CPNE2: variants seen among roughly 807,000 people sequenced by gnomAD.
CPNE2 encodes the protein copine 2.
A neutral mutation model predicts 69.7 loss-of-function variants in CPNE2; 42 were observed. That is an observed-to-expected ratio of 0.60 (90% CI 0.47 to 0.78). The LOEUF (loss-of-function observed/expected upper bound fraction) is 0.78, where lower values mean the gene tolerates loss of function less well. Ranked by LOEUF, CPNE2 falls within the 30% of genes least tolerant of loss-of-function variation. The pLI, the probability that CPNE2 is intolerant of heterozygous loss-of-function variation, is 0.00. For synonymous variants in CPNE2, 294 were observed against 289.8 expected, an observed-to-expected ratio of 1.01 and a Z score of -0.15; for missense variants, 587 against 732.0, an observed-to-expected ratio of 0.80 and a Z score of 2.29.
intron 1 of CPNE2, among the ~76,000 whole-genome samples, chr16:57,105,497 A>G (rs1450567363): frequency 6.6e-6 from 1 of 151,062 alleles, no homozygotes; most frequent in African/African-American, 2.4e-5. Flanking sequence ...GTGCAGTGGC[A>G]CAATCACAGC....
intron 3 of CPNE2, among the ~76,000 whole-genome samples, chr16:57,115,103 A>G (rs982266509): frequency 5.9e-5 from 9 of 151,706 alleles, no homozygotes; most frequent in Non-Finnish European, 1.2e-4. Flanking sequence ...TCTGAGCTTG[A>G]CTCTGTCCAT....
chr16:57,127,557 G>T (rs2069809153), intron 11 of CPNE2, among the ~76,000 whole-genome samples: 2 of 152,162 alleles, frequency 1.3e-5, no homozygotes. Context: ...TTAGTGGCTG[G>T]CTGAAGTCTC....
chr16:57,123,384 G>T, intron 9 of CPNE2, 30 bp from the exon 10 acceptor site: 1 of 1,610,500 alleles, frequency 6.2e-7, no homozygotes. Flanking sequence ...CAAGTCAAGG[G>T]GACCCACTGA....
At chr16:57,144,676 G>C (rs781515351) in intron 14 of CPNE2, 5 of 152,274 alleles carry the variant, frequency 3.3e-5, no homozygotes, top group African/African-American at 1.2e-4. Flanking sequence ...GGCTGGGCGC[G>C]GTGGCTCACG....
chr16:57,117,150 G>A (rs1476641697), intron 4 of CPNE2, among the ~76,000 whole-genome samples: 2 of 152,090 alleles, frequency 1.3e-5, no homozygotes, highest in African/African-American at 4.8e-5. Context: ...CGCAGGGGCA[G>A]GAGAAGGCCG....
Position 57,121,846 on chromosome 16 carries a change from C to T in CPNE2, c.867+86C>T, listed in dbSNP as rs966842900. 5.8e-5 allele frequency: 76 copies of T among 1,304,730 alleles called. 1 individual carries two copies. The East Asian group carries it at 1.4e-3, about 24-fold the overall frequency. 80.8% of individuals were successfully genotyped at this position (1,304,730 alleles called of 1,614,324 possible). ...GACAGAGCACTGGATCTGGAGCCAG[C>T]GAGGCCTGTGTTCAAATCCCGGCTC... On this transcript the variant is annotated intron_variant, in intron 9 of 15. Transcript: ENST00000290776.
Position 57,147,574 on chromosome 16 carries a change from A to C in CPNE2, c.1563A>C (p.Lys521Asn). Residue 521 changes from lysine to asparagine, a missense_variant, in exon 16 of 16, where the codon AAA becomes AAC. Physicochemically the swap from Lys to Asn is moderately conservative, Grantham distance 94. Around this residue, in one of 5 missense-constraint regions of CPNE2, gnomAD observed 185 missense variants for 252.3 expected, o/e 0.73. Transcript: ENST00000290776. ...AGGCAGCAAAAGAGACCTTGGCCAA[A>C]GCTGTGCTGGCGGAGCTGCCCCAAC... ...FRNAAKETLA[K>N]AVLAELPQQV... is the part of the protein sequence containing the mutation. 4.4e-6 allele frequency: 7 copies of C among 1,606,874 alleles called. No individual in the cohort carries two copies. Among genetic ancestry groups the C allele is most frequent in the Non-Finnish European group, 6.0e-6 (7 of 1,175,010 alleles).
At chr16:57,145,628 C>G (rs993170808) in intron 14 of CPNE2, 1 of 210,558 alleles carries the variant, frequency 4.7e-6, no homozygotes, top group Non-Finnish European at 9.8e-6. Flanking sequence ...ATGAGTCCCC[C>G]TGCGCCAGCC....
chr16:57,147,457 C>A, intron 15 of CPNE2, 94 bp from the exon 16 acceptor site: 1 of 867,896 alleles, frequency 1.2e-6, no homozygotes, highest in Non-Finnish European at 1.7e-6. Flanking sequence ...TGGACACCTG[C>A]TGTAGCAGCC....
chr16:57,109,049 G>T (rs1313430361), intron 1 of CPNE2, among the ~76,000 whole-genome samples: 2 of 152,206 alleles, frequency 1.3e-5, no homozygotes, highest in Non-Finnish European at 2.9e-5. Flanking sequence ...GATAGACAAT[G>T]AACAAGGGTG....
rs115574097 is a variant in CPNE2, at chr16:57,114,280, G to T, written c.360+813G>T. Among the ~76,000 whole-genome samples, 1,080 of 152,298 alleles carry T rather than the reference G, an allele frequency of 7.1e-3. 12 individuals are homozygous for T. Among genetic ancestry groups the T allele is most frequent in the African/African-American group, 0.024 (1,011 of 41,556 alleles). On this transcript the variant is annotated intron_variant, in intron 3 of 15. Coordinates refer to ENST00000290776, the MANE Select transcript of CPNE2 (RefSeq NM_152727.6). ...CAAGGGATGGGGAAACCAGTCCAGG[G>T]CTTGGCCCCAGAGGAAAGCTGACCA...
At chr16:57,113,765 C>T (rs1015340429) in intron 3 of CPNE2, among the ~76,000 whole-genome samples, 8 of 152,206 alleles carry the variant, frequency 5.3e-5, no homozygotes, top group African/African-American at 1.9e-4. Flanking sequence ...GACCAGCAAC[C>T]AAGACACCCA....
chr16:57,115,362 GC>G, intron 3 of CPNE2, 113 bp from the exon 4 acceptor site: 1 of 799,760 alleles, frequency 1.3e-6, no homozygotes, highest in Non-Finnish European at 2.1e-6. Flanking sequence ...TCACCAGCCA[GC>G]CAGGGCGGGG....
At chr16:57,133,116 G>A (rs1369258590) in intron 12 of CPNE2, among the ~76,000 whole-genome samples, 1 of 152,036 alleles carries the variant, frequency 6.6e-6, no homozygotes, top group Non-Finnish European at 1.5e-5. Context: ...CTCCATACAA[G>A]CCCCCCTCGT....
At position 57,148,362 on chromosome 16, in the gene CPNE2, A is replaced by G. The variant is rs1383733727; in HGVS notation, c.*704A>G. 1 of 152,258 alleles carries G rather than the reference A, an allele frequency of 6.6e-6. No individual in the cohort carries two copies. Among genetic ancestry groups the G allele is most frequent in the Non-Finnish European group, 1.5e-5 (1 of 68,038 alleles). 9.4% of individuals were successfully genotyped at this position (152,258 alleles called of 1,614,324 possible). A position where few individuals can be genotyped will look rare whatever the true frequency, so the allele number is the denominator to read the frequency against. On this transcript the variant is annotated 3_prime_UTR_variant, in exon 16 of 16. Coordinates refer to ENST00000290776, the MANE Select transcript of CPNE2 (RefSeq NM_152727.6). ...ACTCAATAAATATTCATGGATGAAT[A>G]GAATGAATGTGCAGGCCCATACCAG...
Position 57,119,584 on chromosome 16 carries a change from T to C in CPNE2, c.615T>C (p.Pro205=). The C allele has an allele frequency of 6.2e-7, 1 of 1,612,998 alleles. No individual in the cohort carries two copies. Among genetic ancestry groups the C allele is most frequent in the Non-Finnish European group, 8.5e-7 (1 of 1,179,544 alleles). The part of the protein sequence containing the change: ...RTEVIKYTLD[P]VWKPFTVPLV... ...AGGTGATCAAGTACACACTGGACCC[T>C]GTGTGGAAGCCATTCACAGTGCCCT... The change falls in exon 7 of 16, where the codon CCT becomes CCC. Residue 205 remains proline, a synonymous_variant. Coordinates refer to ENST00000290776, the MANE Select transcript of CPNE2 (RefSeq NM_152727.6).
chr16:57,130,204 C>T lies in CPNE2; in HGVS notation c.1116+2301C>T, dbSNP rs2069827759. On this transcript the variant is annotated intron_variant, in intron 12 of 15. Transcript: ENST00000290776. This position sits in a 1 kb window ranked among gnomAD's most constrained non-coding sequence, Gnocchi z 4.1. ...GACCAGCCTGGCCAACATGGTGAAA[C>T]CCCGTCTCTACTAAAAATACAAAAA... 1.3e-5 allele frequency among the ~76,000 whole-genome samples: 2 copies of T among 151,916 alleles called. No homozygotes were observed. The highest frequency in any genetic ancestry group is 6.6e-5 in the Admixed American group (1 of 15,248).
intron 12 of CPNE2, among the ~76,000 whole-genome samples, chr16:57,133,155 A>C (rs2069850646): frequency 6.6e-6 from 1 of 152,084 alleles, no homozygotes; most frequent in Non-Finnish European, 1.5e-5. Context: ...GGAAGTCTCC[A>C]TGGCAACAGG....
intron 1 of CPNE2, among the ~76,000 whole-genome samples, chr16:57,097,726 A>G (rs528075483): frequency 6.6e-6 from 1 of 152,050 alleles, no homozygotes; most frequent in South Asian, 2.1e-4. Flanking sequence ...CCACCTCCCC[A>G]GCCCCCAGTC....
Sources: allele counts gnomAD v4.1 joint callset (sites outside exome capture counted in the v4.1 genomes callset), GRCh38; gene constraint gnomAD v4.1.1; regional missense constraint gnomAD v4.1.1; non-coding constraint Gnocchi (gnomAD v3.1); transcripts MANE v1.5; gene names NCBI Gene and HGNC (gene_info 2026-07-23, HGNC 2026-07-21).